Variants in TMEM116 observed in about 807,000 individuals in gnomAD.
TMEM116 encodes transmembrane protein 116.
A neutral mutation model predicts 44.3 loss-of-function variants in TMEM116; 38 were observed. The observed-to-expected ratio is 0.86, with a 90% CI of 0.66 to 1.12. The LOEUF (loss-of-function observed/expected upper bound fraction) is 1.12. TMEM116 is among the 50% of genes most tolerant of loss of function. The pLI, the probability that TMEM116 is intolerant of heterozygous loss-of-function variation, is 0.00. For missense variants in TMEM116, 354 were observed against 401.7 expected (o/e 0.88, Z 1.01); for synonymous variants, 132 against 144.8 (o/e 0.91, Z 0.64).
intron 4 of TMEM116, among the ~76,000 whole-genome samples, chr12:111,978,342 A>G (rs1457881077): frequency 6.6e-6 from 1 of 152,026 alleles, no homozygotes; most frequent in Non-Finnish European, 1.5e-5. Context: ...CGGAGGTTGC[A>G]GTGAGCCAAG....
Position 112,005,318 on chromosome 12 carries a change from G to C in TMEM116, c.-33-15C>G, listed in dbSNP as rs2077519011. ...GCAGGAAGAACCTAAGCAAAACAAG[G>C]AAAACGGAATAAAATTAAACCTTTT... On this transcript the variant is annotated splice_polypyrimidine_tract_variant and intron_variant, in intron 1 of 10. Transcript: ENST00000552374. The C allele has an allele frequency of 1.5e-6, 2 of 1,292,360 alleles. No homozygotes were observed. The highest frequency in any genetic ancestry group is 6.3e-5 in the East Asian group (2 of 31,916). The allele number at this position is 1,292,360 out of a possible 1,614,324, so 80.1% of individuals were successfully genotyped here. A position where few individuals can be genotyped will look rare whatever the true frequency, so the allele number is the denominator to read the frequency against.
At chr12:111,993,509 G>A (rs564140768) in intron 3 of TMEM116, 1 of 544,636 alleles carries the variant, frequency 1.8e-6, no homozygotes, top group African/African-American at 1.9e-5. Flanking sequence ...TGAATTCTTT[G>A]CTGTAATTGC....
At chr12:111,988,809 G>A (rs1447116050) in intron 4 of TMEM116, among the ~76,000 whole-genome samples, 1 of 151,904 alleles carries the variant, frequency 6.6e-6, no homozygotes, top group Non-Finnish European at 1.5e-5. Context: ...GGCCAACATA[G>A]TGAAACCCCG....
intron 4 of TMEM116, among the ~76,000 whole-genome samples, chr12:111,947,013 A>G (rs2073338013): frequency 6.6e-6 from 1 of 152,180 alleles, no homozygotes; most frequent in Admixed American, 6.5e-5. Context: ...AAATCATATT[A>G]CAGGTTTTTC....
intron 6 of TMEM116, among the ~76,000 whole-genome samples, chr12:111,937,697 C>T (rs2072274283): frequency 6.6e-6 from 1 of 152,142 alleles, no homozygotes; most frequent in African/African-American, 2.4e-5. Context: ...TAGCCAGCTC[C>T]CTGTAAGAGG....
rs2073014589 is a variant in TMEM116 at position 111,943,290 on chromosome 12, T to C, written c.290A>G (p.Gln97Arg). 2.5e-6 allele frequency: 4 copies of C among 1,613,832 alleles called. No individual in the cohort carries two copies. The Admixed American group carries it at 5.0e-5, about 20-fold the overall frequency. ...CAGTGGAGATGTGCTCTGTCCACTC[T>C]GGGTGTGTTTCATCCTCAGCTCTGT... The part of the protein sequence containing the change: ...LYTELRMKHT[Q>R]SGQSTSPLVI... Residue 97 changes from glutamine to arginine, a missense_variant, in exon 5 of 11, where the codon CAG (glutamine) becomes CGG (arginine). By Grantham distance (43) the Gln-to-Arg change is conservative (BLOSUM62 1). Coordinates refer to ENST00000552374, the MANE Select transcript of TMEM116 (RefSeq NM_001193531.2).
Position 111,936,821 on chromosome 12 carries a change from C to T in TMEM116, c.459G>A (p.Leu153=). The part of the protein sequence containing the change: ...QNFSQSHKCI[L]MHSPPSAMAE... ...CCATGGCTGATGGTGGTGAGTGCAT[C>T]AAGATACACCTAGGAAGAAAATCAA... Residue 153 remains leucine, a synonymous_variant, in exon 8 of 11, where the codon TTG becomes TTA. Transcript: ENST00000552374. The T allele has an allele frequency of 6.3e-7, 1 of 1,599,876 alleles. No homozygotes were observed. The highest frequency in any genetic ancestry group is 2.2e-5 in the East Asian group (1 of 44,856).
chr12:111,938,129 C>T (rs2072323124), intron 6 of TMEM116, 32 bp downstream of exon 6: 2 of 1,511,580 alleles, frequency 1.3e-6, no homozygotes, highest in South Asian at 2.4e-5. Flanking sequence ...TGAGAGTCTA[C>T]ACCTCGCTAA....
chr12:111,964,509 C>T (rs1333670408), intron 4 of TMEM116, among the ~76,000 whole-genome samples: 1 of 151,556 alleles, frequency 6.6e-6, no homozygotes, highest in Non-Finnish European at 1.5e-5. Context: ...TAAGGAAACA[C>T]CAAAGTGACT....
At chr12:111,938,878 T>G (rs1446755297) in intron 5 of TMEM116, among the ~76,000 whole-genome samples, 1 of 146,656 alleles carries the variant, frequency 6.8e-6, no homozygotes, top group Non-Finnish European at 1.5e-5. Context: ...TAAGCTTTTT[T>G]CTAATTTAAG....
At chr12:112,004,648 A>C (rs2077477548) in intron 2 of TMEM116, among the ~76,000 whole-genome samples, 1 of 149,294 alleles carries the variant, frequency 6.7e-6, no homozygotes, top group African/African-American at 2.5e-5. Flanking sequence ...TCCAGAGGCC[A>C]TGCCAATCTT....
At chr12:112,010,878 C>T (rs999745380) in intron 1 of TMEM116, 1 of 152,386 alleles carries the variant, frequency 6.6e-6, no homozygotes, top group African/African-American at 2.4e-5. Context: ...AGAAGATGCA[C>T]CACGAGTCCC....
chr12:111,933,817 A>C, intron 9 of TMEM116, 69 bp downstream of exon 9: 1 of 1,585,402 alleles, frequency 6.3e-7, no homozygotes, highest in Non-Finnish European at 8.6e-7. Context: ...TCTTAGTGAG[A>C]CCACTTTGCT....
chr12:111,970,948 T>C (rs1159105651), intron 4 of TMEM116, among the ~76,000 whole-genome samples: 1 of 152,188 alleles, frequency 6.6e-6, no homozygotes, highest in Non-Finnish European at 1.5e-5. Context: ...AAAAACAACA[T>C]GTTACGTACA....
chr12:111,945,870 A>G (rs2073234336), intron 4 of TMEM116, among the ~76,000 whole-genome samples: 1 of 152,202 alleles, frequency 6.6e-6, no homozygotes, highest in Non-Finnish European at 1.5e-5. Flanking sequence ...CCATACACCC[A>G]TTCTGTTTTT....
intron 5 of TMEM116, among the ~76,000 whole-genome samples, 168 bp downstream of exon 5, chr12:111,943,097 G>T (rs558122315): frequency 6.6e-6 from 1 of 151,972 alleles, no homozygotes; most frequent in South Asian, 2.1e-4. Flanking sequence ...AATTTTTTTG[G>T]TATTTTTTGT....
At chr12:111,948,770 A>T (rs2097978831) in intron 4 of TMEM116, among the ~76,000 whole-genome samples, 1 of 152,154 alleles carries the variant, frequency 6.6e-6, no homozygotes, top group South Asian at 2.1e-4. Context: ...TAAATTGCAA[A>T]GTTCCAATAA....
intron 4 of TMEM116, among the ~76,000 whole-genome samples, chr12:111,958,136 CG>C (rs1160123466): frequency 6.6e-6 from 1 of 151,840 alleles, no homozygotes; most frequent in East Asian, 1.9e-4. Flanking sequence ...ACAAACACTG[CG>C]GAAGGCGGCA....
chr12:111,972,914 T>C (rs1371819315), intron 4 of TMEM116, among the ~76,000 whole-genome samples: 3 of 150,892 alleles, frequency 2.0e-5, no homozygotes, highest in Admixed American at 6.6e-5. Context: ...CCAAGGCAGA[T>C]GGATCACGAA....
Sources: allele counts gnomAD v4.1 joint callset (sites outside exome capture counted in the v4.1 genomes callset), GRCh38; gene constraint gnomAD v4.1.1; transcripts MANE v1.5; gene names NCBI Gene and HGNC (gene_info 2026-07-23, HGNC 2026-07-21).